LMTK2: variants seen among roughly 807,000 people sequenced by gnomAD.
LMTK2 encodes lemur tail kinase 2, also known as serine/threonine-protein kinase LMTK2.
In LMTK2, 37 loss-of-function variants were observed where a neutral mutation model predicts 127.5. The observed-to-expected ratio is 0.29, with a 90% CI of 0.22 to 0.38. The LOEUF (loss-of-function observed/expected upper bound fraction) is 0.38, where lower values mean the gene tolerates loss of function less well. Among genes scored for constraint, LMTK2 ranks in the 10% least tolerant of loss-of-function variants. The pLI is 1.00. For synonymous variants in LMTK2, 819 were observed against 810.1 expected, an observed-to-expected ratio of 1.01 and a Z score of -0.19; for missense variants, 1,694 against 1,920.3, an observed-to-expected ratio of 0.88 and a Z score of 2.20.
At chr7:98,141,577 A>C (rs766041786) in intron 3 of LMTK2, 36 bp downstream of exon 3, 16 of 1,593,626 alleles carry the variant, frequency 1.0e-5, no homozygotes, top group Non-Finnish European at 1.4e-5. Context: ...GTTTTCATGA[A>C]TTGTTTCTGA....
At chr7:98,122,593 C>T (rs1367509646) in intron 1 of LMTK2, among the ~76,000 whole-genome samples, 2 of 152,140 alleles carry the variant, frequency 1.3e-5, no homozygotes, top group Non-Finnish European at 2.9e-5. Flanking sequence ...CAGCATCCCT[C>T]ACTTATGTCC....
chr7:98,177,655 A>G (rs1204109750), intron 7 of LMTK2, among the ~76,000 whole-genome samples: 1 of 152,160 alleles, frequency 6.6e-6, no homozygotes, highest in Admixed American at 6.5e-5. Context: ...CATATGCACC[A>G]TCAGTGGTGG....
At chr7:98,123,144 CTTT>C (rs199875484) in intron 1 of LMTK2, among the ~76,000 whole-genome samples, 1,629 of 152,326 alleles carry the variant, frequency 0.011, 12 homozygotes, top group Non-Finnish European at 0.015. Flanking sequence ...CCCTGCAGCT[CTTT>C]TAGCCACATT....
At chr7:98,157,697 CAG>C (rs2116398499) in intron 5 of LMTK2, among the ~76,000 whole-genome samples, 1 of 148,842 alleles carries the variant, frequency 6.7e-6, no homozygotes, top group Admixed American at 6.7e-5. Flanking sequence ...TGGATGACCT[CAG>C]GGGGATTATG....
intron 1 of LMTK2, among the ~76,000 whole-genome samples, chr7:98,121,180 CTG>C (rs1431697788): frequency 2.6e-5 from 4 of 152,176 alleles, no homozygotes; most frequent in African/African-American, 9.7e-5. Flanking sequence ...TAAAGAACCT[CTG>C]TAGTGCGATG....
At chr7:98,180,025 G>C (rs896041086) in intron 7 of LMTK2, among the ~76,000 whole-genome samples, 2 of 152,180 alleles carry the variant, frequency 1.3e-5, no homozygotes, top group African/African-American at 4.8e-5. Context: ...TGTTAATGAG[G>C]AAAATAATAG....
chr7:98,170,061 T>G (rs1405611925), intron 6 of LMTK2, among the ~76,000 whole-genome samples: 1 of 152,234 alleles, frequency 6.6e-6, no homozygotes, highest in African/African-American at 2.4e-5. Context: ...GCATACTGAT[T>G]TAATTCACTT....
At chr7:98,138,452 C>T (rs984593822) in intron 2 of LMTK2, among the ~76,000 whole-genome samples, 1 of 152,184 alleles carries the variant, frequency 6.6e-6, no homozygotes, top group Non-Finnish European at 1.5e-5. Context: ...GCCGTATACA[C>T]ACAGAGGGCT....
intron 1 of LMTK2, among the ~76,000 whole-genome samples, chr7:98,121,857 T>C (rs1468460741): frequency 6.6e-6 from 1 of 151,970 alleles, no homozygotes; most frequent in East Asian, 1.9e-4. Context: ...TTAAAAAAAT[T>C]AGCTGGGTGT....
chr7:98,107,158 G>T lies in LMTK2; in HGVS notation c.-20G>T. The T allele has an allele frequency of 3.5e-6, 5 of 1,423,828 alleles. No homozygotes were observed. The highest frequency in any genetic ancestry group is 4.6e-6 in the Non-Finnish European group (5 of 1,096,290). 88.2% of individuals were successfully genotyped at this position (1,423,828 alleles called of 1,614,324 possible). A position where few individuals can be genotyped will look rare whatever the true frequency, so the allele number is the denominator to read the frequency against. On this transcript the variant is annotated 5_prime_UTR_variant, in exon 1 of 14. Coordinates refer to ENST00000297293, the MANE Select transcript of LMTK2 (RefSeq NM_014916.4). ...GGAAGGCGACTCGAGGGCCGGCCCC[G>T]GAGCCGCGCCGTGGGCGAGATGCCG...
intron 6 of LMTK2, among the ~76,000 whole-genome samples, chr7:98,168,770 A>C (rs12537502): frequency 1.3e-5 from 2 of 152,066 alleles, no homozygotes; most frequent in African/African-American, 4.8e-5. Flanking sequence ...TGCTCTGCTG[A>C]TGGAGAGCTT....
In LMTK2 at chr7:98,206,533, C is replaced by G. The variant is rs1797800628; in HGVS notation, c.*1041C>G. Reference sequence around the variant, plus strand: ...GGGCACCGCACCGCTTCCCTCCGCGCAGCTCTTCTGCCTGGTTTTCGGAGG... The same window carrying G: ...GGGCACCGCACCGCTTCCCTCCGCGGAGCTCTTCTGCCTGGTTTTCGGAGG... On this transcript the variant is annotated 3_prime_UTR_variant, in exon 14 of 14. Coordinates refer to ENST00000297293, the MANE Select transcript of LMTK2 (RefSeq NM_014916.4). 6.6e-6 allele frequency: 1 copy of G among 152,292 alleles called. No individual in the cohort carries two copies. 9.4% of individuals were successfully genotyped at this position (152,292 alleles called of 1,614,324 possible).
At chr7:98,162,245 G>A (rs1465348338) in intron 6 of LMTK2, among the ~76,000 whole-genome samples, 2 of 152,072 alleles carry the variant, frequency 1.3e-5, no homozygotes, top group East Asian at 1.9e-4. Context: ...AAACATGGTG[G>A]AATAACTCCT....
In LMTK2 at chr7:98,191,680, G is replaced by T. The variant is rs1339564172; in HGVS notation, c.1215G>T (p.Arg405Ser). The change falls in exon 11 of 14, where the codon AGG becomes AGT. Residue 405 changes from arginine to serine, a missense_variant. This residue lies in a region of LMTK2 where 216 missense variants were observed against 266.8 expected (regional missense o/e 0.81). Coordinates refer to ENST00000297293, the MANE Select transcript of LMTK2 (RefSeq NM_014916.4). Reference protein sequence around the residue: ...EKRPAAEDVHRLLTYLRLQSQ... With the variant: ...EKRPAAEDVHSLLTYLRLQSQ... ...GACCCGCGGCTGAAGATGTGCACAG[G>T]CTGCTGACTTACCTGCGGCTGCAGA... 1.2e-6 allele frequency: 2 copies of T among 1,614,174 alleles called. No homozygotes were observed. Among genetic ancestry groups the T allele is most frequent in the Admixed American group, 3.3e-5 (2 of 60,024 alleles).
At chr7:98,128,806 G>A (rs1039678931) in intron 1 of LMTK2, among the ~76,000 whole-genome samples, 7 of 152,172 alleles carry the variant, frequency 4.6e-5, no homozygotes, top group African/African-American at 1.4e-4. Context: ...AACATGGTGC[G>A]TGTGGGTAAA....
chr7:98,202,487 G>C (rs1481892555), intron 11 of LMTK2, among the ~76,000 whole-genome samples: 1 of 152,162 alleles, frequency 6.6e-6, no homozygotes, highest in South Asian at 2.1e-4. Context: ...AGTAATTTTA[G>C]CTTTTGGATC....
intron 9 of LMTK2, 151 bp from the exon 10 acceptor site, chr7:98,190,576 TC>T: frequency 1.3e-6 from 1 of 797,174 alleles, no homozygotes; most frequent in Middle Eastern, 2.5e-4. Flanking sequence ...TGAGACTCTG[TC>T]TTAAAACAAC....
At chr7:98,152,422 T>A (rs1486298647) in intron 4 of LMTK2, among the ~76,000 whole-genome samples, 1 of 152,238 alleles carries the variant, frequency 6.6e-6, no homozygotes, top group Non-Finnish European at 1.5e-5. Context: ...TGTCTGTATC[T>A]TTCATGTCCT....
At chr7:98,179,752 A>G (rs1797327354) in intron 7 of LMTK2, among the ~76,000 whole-genome samples, 1 of 152,134 alleles carries the variant, frequency 6.6e-6, no homozygotes, top group African/African-American at 2.4e-5. Flanking sequence ...GGTTTTTCCC[A>G]GGCAGTTCAG....
Sources: gnomAD v4.1 joint callset for allele counts (sites outside exome capture counted in the v4.1 genomes callset) on GRCh38, gnomAD v4.1.1 for gene constraint, gnomAD v4.1.1 regional missense constraint, MANE v1.5 for transcripts, NCBI Gene and HGNC (gene_info 2026-07-23, HGNC 2026-07-21) for gene names.